Variants in EAF2 observed in about 807,000 individuals in gnomAD.
The protein encoded by EAF2 is ELL associated factor 2, also known as ELL-associated factor 2.
A neutral mutation model predicts 29.4 loss-of-function variants in EAF2; 29 were observed. The ratio of observed to expected loss-of-function variants is 0.99; its 90% CI spans 0.73 to 1.35. The LOEUF (loss-of-function observed/expected upper bound fraction) is 1.35, where lower values mean the gene tolerates loss of function less well. Ranked by LOEUF, EAF2 falls within the 40% of genes most tolerant of loss-of-function variation. The pLI is 0.00. For missense variants in EAF2, 292 were observed against 312.0 expected (o/e 0.94, Z 0.48); for synonymous variants, 103 against 102.5 (o/e 1.00, Z -0.03).
intron 1 of EAF2, among the ~76,000 whole-genome samples, chr3:121,842,547 A>AT (rs1708455516): frequency 6.6e-6 from 1 of 152,222 alleles, no homozygotes; most frequent in African/African-American, 2.4e-5. Context: ...TATCTGTAAG[A>AT]TGGGGTATTC....
intron 5 of EAF2, among the ~76,000 whole-genome samples, chr3:121,884,644 C>T (rs1004982255): frequency 2.6e-5 from 4 of 152,148 alleles, no homozygotes; most frequent in East Asian, 2.0e-4. Context: ...CCAGGATGGT[C>T]TCAATCTCTT....
At position 121,871,339 on chromosome 3, in the gene EAF2, T is replaced by G. The variant is rs547128737; in HGVS notation, c.485-1198T>G. Among the ~76,000 whole-genome samples the G allele has an allele frequency of 8.4e-4, 128 of 151,898 alleles. 1 individual carries two copies. The highest frequency in any genetic ancestry group is 2.9e-3 in the African/African-American group (122 of 41,466). On this transcript the variant is annotated intron_variant, in intron 4 of 5. Coordinates refer to ENST00000273668, the MANE Select transcript of EAF2 (RefSeq NM_018456.6). Reference sequence around the variant, plus strand: ...TCAAGAATAGACGAATAGACAAAAATCTTTGGTAATAAAAGTCAAAATGGT... The same window carrying G: ...TCAAGAATAGACGAATAGACAAAAAGCTTTGGTAATAAAAGTCAAAATGGT...
intron 4 of EAF2, among the ~76,000 whole-genome samples, chr3:121,860,531 G>T (rs1319389431): frequency 6.6e-6 from 1 of 151,986 alleles, no homozygotes; most frequent in East Asian, 1.9e-4. Context: ...TTTATCATTT[G>T]TTATTGTATC....
chr3:121,881,178 T>C (rs1709185887), intron 5 of EAF2, among the ~76,000 whole-genome samples: 1 of 152,182 alleles, frequency 6.6e-6, no homozygotes, highest in South Asian at 2.1e-4. Context: ...CATTGACCTA[T>C]AGTTGTGTCC....
intron 4 of EAF2, among the ~76,000 whole-genome samples, chr3:121,860,235 A>G (rs947466399): frequency 6.6e-6 from 1 of 152,188 alleles, no homozygotes; most frequent in Admixed American, 6.5e-5. Flanking sequence ...GAATAGTTTC[A>G]GAAGGAATGA....
In EAF2 at chr3:121,835,590, TGGG is replaced by T. The variant is rs1448029896; in HGVS notation, c.106+200_106+202del. On this transcript the variant is annotated intron_variant, in intron 1 of 5. Coordinates refer to ENST00000273668, the MANE Select transcript of EAF2 (RefSeq NM_018456.6). Reference sequence around the variant, plus strand: ...GGAAGGAATCGGAGTAGAGCAAATGTGGGTAAACCCTGGACAGAGAGCGTTGAG... The same window carrying T: ...GGAAGGAATCGGAGTAGAGCAAATGTTAAACCCTGGACAGAGAGCGTTGAG... Among the ~76,000 whole-genome samples the T allele has an allele frequency of 3.9e-5, 6 of 152,174 alleles. No individual in the cohort carries two copies. The South Asian group carries it at 1.2e-3, about 32-fold the overall frequency.
chr3:121,860,664 A>G (rs1370672797), intron 4 of EAF2, among the ~76,000 whole-genome samples: 3 of 144,372 alleles, frequency 2.1e-5, no homozygotes, highest in East Asian at 2.1e-4. Flanking sequence ...TTGTGTCTCT[A>G]TCTCCTTCAG....
chr3:121,862,624 T>C (rs1353931633), intron 4 of EAF2, among the ~76,000 whole-genome samples: 1 of 152,230 alleles, frequency 6.6e-6, no homozygotes, highest in African/African-American at 2.4e-5. Flanking sequence ...AACATCCTCC[T>C]TTAGCTTGGA....
chr3:121,874,958 A>G (rs1709071276), intron 5 of EAF2, among the ~76,000 whole-genome samples: 1 of 151,818 alleles, frequency 6.6e-6, no homozygotes, highest in Non-Finnish European at 1.5e-5. Flanking sequence ...TAATAATATA[A>G]TGAGAACTTT....
chr3:121,863,641 G>A (rs1035537639), intron 4 of EAF2, among the ~76,000 whole-genome samples: 19 of 152,136 alleles, frequency 1.2e-4, no homozygotes, highest in Non-Finnish European at 2.1e-4. Flanking sequence ...CCGACCCCTC[G>A]CACTTCCCGG....
chr3:121,841,562 A>T (rs1708432157), intron 1 of EAF2, among the ~76,000 whole-genome samples: 2 of 145,036 alleles, frequency 1.4e-5, no homozygotes. Flanking sequence ...GAAAGAAAAA[A>T]GATAGAAAGA....
intron 3 of EAF2, among the ~76,000 whole-genome samples, chr3:121,856,427 C>T (rs1708719602): frequency 1.3e-5 from 2 of 151,794 alleles, no homozygotes; most frequent in South Asian, 4.2e-4. Flanking sequence ...CATCTTCCTT[C>T]CTCAGCCTCC....
intron 5 of EAF2, among the ~76,000 whole-genome samples, chr3:121,878,662 T>C (rs1209868450): frequency 2.0e-5 from 3 of 152,172 alleles, no homozygotes; most frequent in South Asian, 2.1e-4. Context: ...TATTTTTCTT[T>C]CTGTGCCTGG....
chr3:121,868,320 C>T (rs545126433), intron 4 of EAF2, among the ~76,000 whole-genome samples: 27 of 152,278 alleles, frequency 1.8e-4, no homozygotes, highest in Non-Finnish European at 3.2e-4. Context: ...CAAAATAGGC[C>T]AGGCGCAGTG....
intron 1 of EAF2, among the ~76,000 whole-genome samples, chr3:121,842,781 T>C (rs1708459004): frequency 6.6e-6 from 1 of 152,194 alleles, no homozygotes; most frequent in African/African-American, 2.4e-5. Context: ...TGACATTATT[T>C]AAAACTTATT....
chr3:121,837,581 T>C (rs536859673), intron 1 of EAF2: 1 of 152,188 alleles, frequency 6.6e-6, no homozygotes, highest in Admixed American at 6.5e-5. Flanking sequence ...TTACATTTCA[T>C]GGTTTGTGTA....
At chr3:121,835,615 T>A (rs1398717488) in intron 1 of EAF2, among the ~76,000 whole-genome samples, 2 of 151,956 alleles carry the variant, frequency 1.3e-5, no homozygotes, top group Non-Finnish European at 2.9e-5. Context: ...CAGAGAGCGT[T>A]GAGACCAGCA....
At chr3:121,867,738 T>A (rs1708950345) in intron 4 of EAF2, among the ~76,000 whole-genome samples, 1 of 152,136 alleles carries the variant, frequency 6.6e-6, no homozygotes, top group South Asian at 2.1e-4. Context: ...TATCAATAAG[T>A]ACAATTGATT....
rs887082805 is a variant in EAF2 at position 121,857,803 on chromosome 3, C to T, written c.484+647C>T. Among the ~76,000 whole-genome samples, 15 of 152,196 alleles carry T rather than the reference C, an allele frequency of 9.9e-5. No homozygotes were observed. The South Asian group carries it at 1.5e-3, about 15-fold the overall frequency. ...TCATCATTTACATTAGGTATATCTC[C>T]GAATGCTATCCCTCCCCTCTCCCCC... On this transcript the variant is annotated intron_variant, in intron 4 of 5. Transcript: ENST00000273668.
Sources: gnomAD v4.1 joint callset for allele counts (sites outside exome capture counted in the v4.1 genomes callset) on GRCh38, gnomAD v4.1.1 for gene constraint, MANE v1.5 for transcripts, NCBI Gene and HGNC (gene_info 2026-07-23, HGNC 2026-07-21) for gene names.